CA10: variants seen among roughly 807,000 people sequenced by gnomAD.
CA10 encodes the protein carbonic anhydrase 10 (inactive), also known as carbonic anhydrase-related protein 10.
In CA10, 14 loss-of-function variants were observed where a neutral mutation model predicts 44.2. That is an observed-to-expected ratio of 0.32 (90% confidence interval 0.21 to 0.50). CA10 has a LOEUF of 0.50. Ranked by LOEUF, CA10 falls within the 20% of genes least tolerant of loss-of-function variation. CA10 has a pLI of 0.99. For synonymous variants in CA10, 159 were observed against 141.6 expected (o/e 1.12, Z -0.87); for missense variants, 350 against 409.7 (o/e 0.85, Z 1.26).
intron 3 of CA10, among the ~76,000 whole-genome samples, chr17:51,758,084 T>C (rs1905124403): frequency 6.6e-6 from 1 of 152,102 alleles, no homozygotes; most frequent in South Asian, 2.1e-4. Context: ...GGGAAAATAG[T>C]GGGTTTTTTT....
At chr17:51,853,698 C>T (rs1027234803) in intron 3 of CA10, among the ~76,000 whole-genome samples, 5 of 152,140 alleles carry the variant, frequency 3.3e-5, no homozygotes, top group East Asian at 1.9e-4. Flanking sequence ...GTAATCTCCA[C>T]GTGTCGCGGG....
intron 1 of CA10, among the ~76,000 whole-genome samples, chr17:52,094,426 C>T (rs1056876940): frequency 2.0e-5 from 3 of 151,726 alleles, no homozygotes; most frequent in African/African-American, 4.8e-5. Context: ...GCAAAGGCTT[C>T]GTTAGCAGGA....
chr17:51,711,431 T>A (rs1915940385), intron 4 of CA10, among the ~76,000 whole-genome samples: 1 of 152,246 alleles, frequency 6.6e-6, no homozygotes, highest in African/African-American at 2.4e-5. Context: ...AAAATCTTGC[T>A]GGTTTTGTTT....
chr17:51,977,515 C>T (rs1984504482), intron 2 of CA10, among the ~76,000 whole-genome samples: 1 of 151,888 alleles, frequency 6.6e-6, no homozygotes, highest in Non-Finnish European at 1.5e-5. Flanking sequence ...AAATTCTTAG[C>T]AAACTAGAAA....
chr17:51,768,275 G>C (rs989122431), intron 3 of CA10, among the ~76,000 whole-genome samples: 9 of 151,124 alleles, frequency 6.0e-5, no homozygotes, highest in Non-Finnish European at 1.2e-4. Context: ...TGGCCTGCTT[G>C]TACAATAGCT....
intron 3 of CA10, among the ~76,000 whole-genome samples, chr17:51,916,037 A>T (rs751833047): frequency 4.6e-5 from 7 of 152,024 alleles, no homozygotes; most frequent in Non-Finnish European, 1.0e-4. Context: ...TAGAATAAAG[A>T]TCACATACTT....
At chr17:51,724,969 G>T (rs1453653973) in intron 4 of CA10, among the ~76,000 whole-genome samples, 5 of 152,222 alleles carry the variant, frequency 3.3e-5, no homozygotes, top group Admixed American at 2.0e-4. Context: ...GCTCTGGTAG[G>T]AGCAGTTTTA....
intron 4 of CA10, among the ~76,000 whole-genome samples, chr17:51,678,665 A>C (rs1196012340): frequency 2.0e-5 from 3 of 152,224 alleles, no homozygotes; most frequent in Non-Finnish European, 4.4e-5. Context: ...AGACAGGTGA[A>C]CATCTAAGAC....
At chr17:51,839,159 C>T (rs1598073785) in intron 3 of CA10, among the ~76,000 whole-genome samples, 2 of 152,268 alleles carry the variant, frequency 1.3e-5, no homozygotes, top group East Asian at 3.9e-4. Flanking sequence ...TTGAACATAT[C>T]CAGTGCTTCC....
chr17:52,086,810 G>T (rs2143194536), intron 1 of CA10, among the ~76,000 whole-genome samples: 1 of 152,302 alleles, frequency 6.6e-6, no homozygotes, highest in East Asian at 1.9e-4. Flanking sequence ...GGGTCTCAAA[G>T]ATGTCCCAGT....
chr17:51,810,021 G>A lies in CA10; in HGVS notation c.280-62203C>T, dbSNP rs1031120034. On this transcript the variant is annotated intron_variant, in intron 3 of 8. Transcript: ENST00000451037. ...AAATGGGTCCATAATCAGATCATGA[G>A]GCCAAAACATGGGACAGAATGCTGT... Among the ~76,000 whole-genome samples the A allele has an allele frequency of 3.3e-5, 5 of 152,220 alleles. No homozygotes were observed. The East Asian group carries it at 9.7e-4, about 29-fold the overall frequency.
intron 2 of CA10, among the ~76,000 whole-genome samples, chr17:52,040,520 C>G (rs1221935045): frequency 6.6e-6 from 1 of 151,986 alleles, no homozygotes; most frequent in Admixed American, 6.6e-5. Flanking sequence ...ATGCCTTAAA[C>G]AATTAGATAA....
intron 1 of CA10, among the ~76,000 whole-genome samples, chr17:52,077,477 A>T (rs1329717173): frequency 6.6e-6 from 1 of 152,154 alleles, no homozygotes; most frequent in Admixed American, 6.5e-5. Flanking sequence ...AGCTGTATAC[A>T]ATATGCAGGG....
At chr17:51,841,027 T>G (rs142814874) in intron 3 of CA10, among the ~76,000 whole-genome samples, 1 of 152,126 alleles carries the variant, frequency 6.6e-6, no homozygotes, top group East Asian at 1.9e-4. Context: ...TAGGGAGAGA[T>G]GGTAACGGCC....
At chr17:51,809,723 G>A (rs1907281658) in intron 3 of CA10, among the ~76,000 whole-genome samples, 1 of 152,180 alleles carries the variant, frequency 6.6e-6, no homozygotes, top group Non-Finnish European at 1.5e-5. Context: ...GGACATATCG[G>A]GGAAGATATT....
intron 1 of CA10, among the ~76,000 whole-genome samples, chr17:52,093,086 G>T (rs1988311492): frequency 6.6e-6 from 1 of 152,026 alleles, no homozygotes; most frequent in Non-Finnish European, 1.5e-5. Context: ...CAGTTTCCAA[G>T]AATCTACTGG....
rs375260307 is a variant in CA10, at chr17:51,973,994, A to G, written c.137-42862T>C. Among the ~76,000 whole-genome samples the G allele has an allele frequency of 9.2e-5, 14 of 152,322 alleles. No individual in the cohort carries two copies. In the East Asian group the frequency reaches 2.5e-3, roughly 27 times the overall value. On this transcript the variant is annotated intron_variant, in intron 2 of 8. Transcript: ENST00000451037. Reference sequence around the variant, plus strand: ...TTCTCTTCAAAAAGATAAAGTAAGCATATACTTATTTCCTTGATGAGATTA... The same window carrying G: ...TTCTCTTCAAAAAGATAAAGTAAGCGTATACTTATTTCCTTGATGAGATTA...
intron 3 of CA10, among the ~76,000 whole-genome samples, chr17:51,834,967 C>T (rs186106754): frequency 5.3e-5 from 8 of 152,166 alleles, no homozygotes; most frequent in Admixed American, 5.2e-4. Flanking sequence ...GCTGAGTTGG[C>T]CAGATATAGT....
At chr17:51,891,907 A>G (rs1177593644) in intron 3 of CA10, among the ~76,000 whole-genome samples, 1 of 152,196 alleles carries the variant, frequency 6.6e-6, no homozygotes, top group Non-Finnish European at 1.5e-5. Context: ...CTCACCGGTG[A>G]GGAATGTATC....
Sources: gnomAD v4.1 joint callset for allele counts (sites outside exome capture counted in the v4.1 genomes callset) on GRCh38, gnomAD v4.1.1 for gene constraint, MANE v1.5 for transcripts, NCBI Gene and HGNC (gene_info 2026-07-23, HGNC 2026-07-21) for gene names.